ASH1L: variants seen among roughly 807,000 people sequenced by gnomAD.
ASH1L encodes ASH1 like histone lysine methyltransferase.
ASH1L carries 23 observed loss-of-function variants against 269.0 expected under a neutral mutation model. That is an observed-to-expected ratio of 0.09 (90% CI 0.06 to 0.12). The LOEUF is 0.12. Ranked by LOEUF, ASH1L falls within the 10% of genes least tolerant of loss-of-function variation. The pLI, the probability that ASH1L is intolerant of heterozygous loss-of-function variation, is 1.00. For synonymous variants in ASH1L, 1,187 were observed against 1,253.5 expected (o/e 0.95, Z 1.12); for missense variants, 2,912 against 3,567.8 (o/e 0.82, Z 4.68).
intron 5 of ASH1L, among the ~76,000 whole-genome samples, chr1:155,420,559 A>C (rs1398956769): frequency 6.7e-6 from 1 of 148,766 alleles, no homozygotes; most frequent in Non-Finnish European, 1.5e-5. Flanking sequence ...AATGAATTTA[A>C]AAAAAAAAAG....
rs745674657 is a variant in ASH1L, at chr1:155,521,405, G to T, written c.115C>A (p.Leu39Ile). The change falls in exon 2 of 28, where the codon CTA becomes ATA. Residue 39 changes from leucine (L) to isoleucine (I), a missense_variant. By Grantham distance (5) the Leu-to-Ile change is conservative. Coordinates refer to ENST00000392403, the MANE Select transcript of ASH1L (RefSeq NM_018489.3). ...GTLVSKREVE[L>I]EKNTKEEEDL... ...TCTTCCTCCTTTGTGTTTTTTTCTA[G>T]CTCTACTTCTCTCTTACTGACCAAT... 4 of 1,613,894 alleles carry T rather than the reference G, an allele frequency of 2.5e-6. No homozygotes were observed. In the South Asian group the frequency reaches 4.4e-5, roughly 18 times the overall value.
intron 17 of ASH1L, 40 bp from the exon 18 acceptor site, chr1:155,349,636 T>C (rs1189453363): frequency 6.3e-7 from 1 of 1,577,690 alleles, no homozygotes. Flanking sequence ...GATTCCACCA[T>C]ACAAGGGAGG....
chr1:155,545,350 T>A (rs990890264), intron 1 of ASH1L, among the ~76,000 whole-genome samples: 1 of 151,832 alleles, frequency 6.6e-6, no homozygotes, highest in African/African-American at 2.4e-5. Flanking sequence ...TTTTACATAC[T>A]CTTTGACTCC....
At chr1:155,545,777 T>C (rs1210173628) in intron 1 of ASH1L, among the ~76,000 whole-genome samples, 3 of 152,144 alleles carry the variant, frequency 2.0e-5, no homozygotes, top group Non-Finnish European at 4.4e-5. Flanking sequence ...CCCCAGCACT[T>C]TGGGAGGCTG....
At chr1:155,376,474 G>T (rs921114727) in intron 10 of ASH1L, among the ~76,000 whole-genome samples, 2 of 152,102 alleles carry the variant, frequency 1.3e-5, no homozygotes, top group African/African-American at 4.8e-5. Flanking sequence ...CCACTCCTTT[G>T]TCTATTAGAC....
chr1:155,424,471 G>C (rs1660973459), intron 5 of ASH1L, among the ~76,000 whole-genome samples: 1 of 151,724 alleles, frequency 6.6e-6, no homozygotes, highest in Non-Finnish European at 1.5e-5. Flanking sequence ...GAGATGGTGC[G>C]ATCTCGGCTC....
chr1:155,558,415 G>A (rs928875925), intron 1 of ASH1L, among the ~76,000 whole-genome samples: 5 of 151,988 alleles, frequency 3.3e-5, no homozygotes, highest in South Asian at 4.2e-4. Flanking sequence ...AGGTTGCAGC[G>A]AGCTGAGATC....
chr1:155,359,271 T>C (rs372882395), intron 13 of ASH1L, among the ~76,000 whole-genome samples: 1 of 152,112 alleles, frequency 6.6e-6, no homozygotes, highest in South Asian at 2.1e-4. Flanking sequence ...CAGGCTCCCA[T>C]GTACTTCTTT....
chr1:155,380,680 G>C (rs1656856199), intron 7 of ASH1L, among the ~76,000 whole-genome samples: 1 of 151,692 alleles, frequency 6.6e-6, no homozygotes, highest in Non-Finnish European at 1.5e-5. Context: ...GCCCAGGCTA[G>C]AGTGCAATGG....
intron 3 of ASH1L, among the ~76,000 whole-genome samples, chr1:155,469,458 C>T (rs1038928406): frequency 1.3e-5 from 2 of 152,120 alleles, no homozygotes; most frequent in Non-Finnish European, 2.9e-5. Context: ...TCTGGGATTA[C>T]AGGCGTGAGC....
chr1:155,427,132 ATTTT>A (rs67465671), intron 5 of ASH1L, among the ~76,000 whole-genome samples: 8 of 96,076 alleles, frequency 8.3e-5, no homozygotes, highest in Non-Finnish European at 4.4e-5. Context: ...CTCTGATATA[ATTTT>A]TTTTTTTTTT....
intron 15 of ASH1L, among the ~76,000 whole-genome samples, chr1:155,356,889 G>T (rs1185644440): frequency 1.3e-5 from 2 of 149,892 alleles, no homozygotes; most frequent in Admixed American, 6.7e-5. Flanking sequence ...AGGAGTTTAG[G>T]ACCAACCTGG....
At chr1:155,476,937 C>A (rs952907726) in intron 3 of ASH1L, among the ~76,000 whole-genome samples, 3 of 151,944 alleles carry the variant, frequency 2.0e-5, no homozygotes, top group Non-Finnish European at 4.4e-5. Context: ...TTTCATAATA[C>A]CCCTACAAAT....
intron 2 of ASH1L, among the ~76,000 whole-genome samples, chr1:155,509,319 C>A (rs75823283): frequency 0.021 from 3,126 of 152,072 alleles, 107 homozygotes; most frequent in African/African-American, 0.072. Flanking sequence ...GATCACACCA[C>A]CGCACCACAG....
rs568711962 is a variant in ASH1L, at chr1:155,400,507, T to C, written c.6009-4954A>G. 5.3e-5 allele frequency among the ~76,000 whole-genome samples: 8 copies of C among 152,266 alleles called. No homozygotes were observed. In the South Asian group the frequency reaches 1.7e-3, roughly 31 times the overall value. On this transcript the variant is annotated intron_variant, in intron 6 of 27. Transcript: ENST00000392403. ...ACTGAGTAACAGGTACTATTTATCA[T>C]TGCCATTTTAAAGCTGAGGACACTG...
chr1:155,547,278 T>TA (rs1036944058), intron 1 of ASH1L, among the ~76,000 whole-genome samples: 84 of 143,332 alleles, frequency 5.9e-4, no homozygotes, highest in Non-Finnish European at 5.5e-4. Context: ...AACTACCATT[T>TA]AAAAAAAAAA....
intron 7 of ASH1L, among the ~76,000 whole-genome samples, chr1:155,387,167 T>G (rs1027892445): frequency 1.3e-5 from 2 of 152,100 alleles, no homozygotes; most frequent in Non-Finnish European, 2.9e-5. Flanking sequence ...AGAGATGGGA[T>G]TTTGCCATGT....
At chr1:155,504,973 A>G (rs1433841059) in intron 2 of ASH1L, among the ~76,000 whole-genome samples, 45 of 152,302 alleles carry the variant, frequency 3.0e-4, no homozygotes, top group Admixed American at 2.9e-3. Context: ...TTATCTTTTA[A>G]TTTTTCCTCT....
At chr1:155,434,215 T>C in intron 5 of ASH1L, 2 of 1,598,314 alleles carry the variant, frequency 1.3e-6, no homozygotes, top group Non-Finnish European at 8.5e-7. Flanking sequence ...GGGAAGCCTT[T>C]CCCCCGTCTC....
Sources: allele counts gnomAD v4.1 joint callset (sites outside exome capture counted in the v4.1 genomes callset), GRCh38; gene constraint gnomAD v4.1.1; transcripts MANE v1.5; gene names NCBI Gene and HGNC (gene_info 2026-07-23, HGNC 2026-07-21).